The following ACTR3C variants were observed in gnomAD, a reference collection of about 807,000 sequenced individuals.
ACTR3C encodes actin-related protein 3C.
A neutral mutation model predicts 26.3 loss-of-function variants in ACTR3C; 18 were observed. The observed-to-expected ratio is 0.68, with a 90% CI of 0.47 to 1.01. The LOEUF (loss-of-function observed/expected upper bound fraction) is 1.01, where lower values mean the gene tolerates loss of function less well. ACTR3C is among the 50% of genes least tolerant of loss of function. The pLI, the probability that ACTR3C is intolerant of heterozygous loss-of-function variation, is 0.00. For missense variants in ACTR3C, 184 were observed against 250.7 expected (o/e 0.73, Z 1.80); for synonymous variants, 55 against 94.5 (o/e 0.58, Z 2.42).
intron 1 of ACTR3C, among the ~76,000 whole-genome samples, chr7:150,299,924 T>G (rs951369538): frequency 1.3e-5 from 2 of 152,018 alleles, no homozygotes; most frequent in African/African-American, 4.8e-5. Flanking sequence ...TACAGAATTG[T>G]ACAGTTAAAA....
the ACTR3C span, among the ~76,000 whole-genome samples, chr7:150,213,869 A>G: frequency 2.1e-5 from 3 of 144,556 alleles, no homozygotes; most frequent in African/African-American, 7.8e-5. Context: ...AAGAACTGAC[A>G]GAAAATAAAA....
the ACTR3C span, among the ~76,000 whole-genome samples, chr7:150,139,579 T>C: frequency 5.6e-4 from 86 of 152,410 alleles, no homozygotes; most frequent in Non-Finnish European, 1.0e-3. Context: ...CCGGATCATC[T>C]CTTTTTATTC....
At chr7:150,201,707 G>A in the ACTR3C span, among the ~76,000 whole-genome samples, 2 of 151,120 alleles carry the variant, frequency 1.3e-5, no homozygotes, top group African/African-American at 2.4e-5. Flanking sequence ...GCAGTGAGCC[G>A]AGATTGTACC....
At chr7:150,039,699 G>GA in the ACTR3C span, among the ~76,000 whole-genome samples, 2 of 131,438 alleles carry the variant, frequency 1.5e-5, no homozygotes, top group South Asian at 2.4e-4. Context: ...CCTAAGCCGG[G>GA]GGGGAAGAGG....
the ACTR3C span, among the ~76,000 whole-genome samples, chr7:149,903,888 T>TGGC: frequency 2.5e-5 from 1 of 40,464 alleles, no homozygotes. Flanking sequence ...GTTGTTGTTG[T>TGGC]TGTTTGTTGT....
chr7:149,933,095 G>T, the ACTR3C span, among the ~76,000 whole-genome samples: 1,553 of 34,570 alleles, frequency 0.045, 33 homozygotes, highest in Middle Eastern at 0.087. Context: ...AGTGAGAGGG[G>T]CCAAGCACAG....
At chr7:150,171,470 T>C in the ACTR3C span, among the ~76,000 whole-genome samples, 13 of 151,004 alleles carry the variant, frequency 8.6e-5, no homozygotes, top group South Asian at 2.7e-3. Context: ...ACGTTAATTT[T>C]GAGGGAGTCT....
the ACTR3C span, among the ~76,000 whole-genome samples, chr7:150,188,327 G>C: frequency 6.6e-6 from 1 of 151,628 alleles, no homozygotes; most frequent in Non-Finnish European, 1.5e-5. Flanking sequence ...GTGTTCCACT[G>C]CATGAAAGTA....
the ACTR3C span, among the ~76,000 whole-genome samples, chr7:150,185,274 G>GGTGTGT: frequency 6.7e-3 from 832 of 124,196 alleles, 3 homozygotes; most frequent in African/African-American, 0.023. Context: ...TTAAATGTCA[G>GGTGTGT]GCGTGTGTGT....
chr7:150,280,066 T>C (rs1835194465), intron 6 of ACTR3C, among the ~76,000 whole-genome samples: 1 of 152,220 alleles, frequency 6.6e-6, no homozygotes, highest in Admixed American at 6.5e-5. Flanking sequence ...TGCAAGTTAC[T>C]AAACACTGGC....
At chr7:150,140,569 G>A in the ACTR3C span, among the ~76,000 whole-genome samples, 1 of 152,070 alleles carries the variant, frequency 6.6e-6, no homozygotes, top group Non-Finnish European at 1.5e-5. Context: ...TTTACTTTAT[G>A]ATATCAGATA....
chr7:150,110,739 G>C, the ACTR3C span, among the ~76,000 whole-genome samples: 1 of 147,054 alleles, frequency 6.8e-6, no homozygotes, highest in Non-Finnish European at 1.5e-5. Context: ...AGAAGGGCCA[G>C]AGCCAGCAGG....
At chr7:150,323,438 AGGCGGCG>A in intron 1 of ACTR3C, 24 bp downstream of exon 1, 1 of 346,558 alleles carries the variant, frequency 2.9e-6, no homozygotes, top group Non-Finnish European at 5.5e-6. Flanking sequence ...AGGGGCCGCC[AGGCGGCG>A]GGCGGCGGGG....
the ACTR3C span, among the ~76,000 whole-genome samples, chr7:150,061,477 T>A: frequency 8.3e-5 from 12 of 144,420 alleles, no homozygotes; most frequent in Non-Finnish European, 1.8e-4. Flanking sequence ...CACCTCCAGA[T>A]GAACTCTGAA....
chr7:149,979,600 T>C, the ACTR3C span, among the ~76,000 whole-genome samples: 1 of 152,316 alleles, frequency 6.6e-6, no homozygotes, highest in East Asian at 1.9e-4. Flanking sequence ...TCCACTCAAT[T>C]ATTTTGAGTT....
chr7:149,971,177 G>A, the ACTR3C span, among the ~76,000 whole-genome samples: 2 of 152,162 alleles, frequency 1.3e-5, no homozygotes, highest in African/African-American at 2.4e-5. Flanking sequence ...TTTAATCTGT[G>A]CAATGTGAAC....
At chr7:150,215,442 GATT>G in the ACTR3C span, among the ~76,000 whole-genome samples, 1 of 152,010 alleles carries the variant, frequency 6.6e-6, no homozygotes, top group Non-Finnish European at 1.5e-5. Flanking sequence ...GAGATATTAC[GATT>G]ATTAATCACT....
At chr7:150,068,172 T>C in the ACTR3C span, among the ~76,000 whole-genome samples, 1 of 152,234 alleles carries the variant, frequency 6.6e-6, no homozygotes, top group Admixed American at 6.5e-5. Flanking sequence ...TGGGCTTAGA[T>C]AAACTAGTAA....
At chr7:150,206,884 ATTGTTT>A in the ACTR3C span, among the ~76,000 whole-genome samples, 3 of 152,174 alleles carry the variant, frequency 2.0e-5, no homozygotes, top group Non-Finnish European at 4.4e-5. Flanking sequence ...AAGTTGCTTT[ATTGTTT>A]TTATTTTTTC....
Sources: gnomAD v4.1 joint callset for allele counts (sites outside exome capture counted in the v4.1 genomes callset) on GRCh38, gnomAD v4.1.1 for gene constraint, MANE v1.5 for transcripts, NCBI Gene and HGNC (gene_info 2026-07-23, HGNC 2026-07-21) for gene names.